PLIN5: variants seen among roughly 807,000 people sequenced by gnomAD.
The protein encoded by PLIN5 is perilipin 5.
Under a neutral mutation model 32.8 loss-of-function variants are expected in PLIN5, and 34 were observed. That is an observed-to-expected ratio of 1.04 (90% CI 0.79 to 1.38). The LOEUF (loss-of-function observed/expected upper bound fraction) is 1.38. Ranked by LOEUF, PLIN5 falls within the 40% of genes most tolerant of loss-of-function variation. The pLI, the probability that PLIN5 is intolerant of heterozygous loss-of-function variation, is 0.00. For missense variants in PLIN5, 712 were observed against 660.5 expected, an observed-to-expected ratio of 1.08 and a Z score of -0.85; for synonymous variants, 309 against 292.9, an observed-to-expected ratio of 1.05 and a Z score of -0.56.
intron 1 of PLIN5, 138 bp from the exon 2 acceptor site, chr19:4,534,233 TCAGA>T (rs1805102357): frequency 4.3e-6 from 3 of 695,854 alleles, no homozygotes; most frequent in Non-Finnish European, 7.5e-6. Flanking sequence ...TCTGTGGAGC[TCAGA>T]CAATGCATGT....
In PLIN5 at chr19:4,523,254, A is replaced by C. The variant is rs1976752900; in HGVS notation, c.*274T>G. On this transcript the variant is annotated 3_prime_UTR_variant, in exon 8 of 8. Transcript: ENST00000381848. The surrounding 1 kb of genome is among the most constrained non-coding windows in gnomAD (Gnocchi z 5.0). ...GGAAAGATTTGGATTCGCTTCATGG[A>C]GCCAGGGAGCAGGACATAGGTGAAG... The C allele has an allele frequency of 2.7e-6, 1 of 372,606 alleles. No homozygotes were observed. The highest frequency in any genetic ancestry group is 2.1e-5 in the African/African-American group (1 of 47,812). 23.1% of individuals were successfully genotyped at this position (372,606 alleles called of 1,614,324 possible).
At chr19:4,528,909 G>C (rs750042285) in intron 5 of PLIN5, 164 bp downstream of exon 5, 455 of 698,694 alleles carry the variant, frequency 6.5e-4, no homozygotes, top group Non-Finnish European at 9.4e-4. Context: ...AGGTTGAGGG[G>C]CCGTGGAAGT....
At position 4,523,733 on chromosome 19, in the gene PLIN5, ACCAGGTCCG is replaced by A. The variant is rs777399581; in HGVS notation, c.1178_1186del (p.Ala393_Leu395del). 10 of 1,601,658 alleles carry A rather than the reference ACCAGGTCCG, an allele frequency of 6.2e-6. No homozygotes were observed. The highest frequency in any genetic ancestry group is 8.5e-6 in the Non-Finnish European group (10 of 1,179,544). On this transcript the variant is annotated inframe_deletion, in exon 8 of 8. Transcript: ENST00000381848. This position sits in a 1 kb window ranked among gnomAD's most constrained non-coding sequence, Gnocchi z 5.0. ...GTCAGGGCCCCCGATGACCTCGTCC[ACCAGGTCCG>A]CCAGGTCGGGCAGGGGCTCGGGTCG...
chr19:4,527,340 G>A (rs1301504079), intron 5 of PLIN5, among the ~76,000 whole-genome samples: 5 of 151,578 alleles, frequency 3.3e-5, no homozygotes, highest in African/African-American at 1.2e-4. Flanking sequence ...CCAAAGTGCT[G>A]GGATTACAGG....
At chr19:4,533,930 G>T (rs184454673) in intron 2 of PLIN5, 85 bp downstream of exon 2, 6 of 1,441,102 alleles carry the variant, frequency 4.2e-6, no homozygotes, top group Non-Finnish European at 5.7e-6. Context: ...GGAGTGGGGC[G>T]GGATACCTGG....
rs1459229289 is a variant in PLIN5, at chr19:4,534,337, G to C, written c.-21-242C>G. On this transcript the variant is annotated intron_variant, in intron 1 of 7. Coordinates refer to ENST00000381848, the MANE Select transcript of PLIN5 (RefSeq NM_001013706.3). ...ACTCGAAGCATGGTCTCTGAGGTGA[G>C]AAAGACCTGGGTTCAAATGCTACCA... The C allele has an allele frequency of 2.5e-5, 13 of 517,812 alleles. No individual in the cohort carries two copies. The Admixed American group carries it at 4.5e-4, about 18-fold the overall frequency. The allele number at this position is 517,812 out of a possible 1,614,324, so 32.1% of individuals were successfully genotyped here.
chr19:4,531,893 C>CCT, intron 2 of PLIN5, 71 bp from the exon 3 acceptor site: 1 of 1,401,322 alleles, frequency 7.1e-7, no homozygotes, highest in South Asian at 1.5e-5. Context: ...ACCTACTTCC[C>CCT]CTCTCTGGGC....
At chr19:4,529,927 T>TCGGGGAGACGCAGAGG in intron 3 of PLIN5, 61 bp from the exon 4 acceptor site, 3 of 1,100,232 alleles carry the variant, frequency 2.7e-6, no homozygotes, top group Non-Finnish European at 4.0e-6. Flanking sequence ...AGGGACGCAG[T>TCGGGGAGACGCAGAGG]GAGAGTTGTA....
At chr19:4,529,540 A>G (rs1599763532) in intron 4 of PLIN5, 1 of 460,972 alleles carries the variant, frequency 2.2e-6, no homozygotes. Context: ...ATATATACTT[A>G]TACGTATATA....
chr19:4,524,978 G>A lies in PLIN5; in HGVS notation c.819C>T (p.Ser273=). 3 of 1,530,808 alleles carry A rather than the reference G, an allele frequency of 2.0e-6. No homozygotes were observed. The highest frequency in any genetic ancestry group is 2.0e-5 in the Admixed American group (1 of 49,202). 94.8% of individuals were successfully genotyped at this position (1,530,808 alleles called of 1,614,324 possible). A position where few individuals can be genotyped will look rare whatever the true frequency, so the allele number is the denominator to read the frequency against. The part of the protein sequence containing the change: ...WGEWGQRPPE[S]RRRSQAELET... ...GCGGTCTCACCTGGCTCCGGCGGCG[G>A]CTCTCCGGAGGGCGCTGGCCCCATT... Residue 273 remains serine, a synonymous_variant, in exon 7 of 8, where the codon AGC becomes AGT. Transcript: ENST00000381848.
chr19:4,523,614 C>T lies in PLIN5; in HGVS notation c.1306G>A (p.Gly436Ser), dbSNP rs373982855. The stretch of plus-strand genomic sequence containing the variant: ...TGCTCGCAGATGTCCCCGGCAACAC[C>T]CATCCTGTCCCCATCCCCATTCCCA... ...GSGNGDGDRM[G>S]VAGDICEQEP... The change falls in exon 8 of 8, where the codon GGT (glycine) becomes AGT (serine). Residue 436 changes from glycine to serine, a missense_variant. Gly to Ser is a moderately conservative substitution (Grantham distance 56). Transcript: ENST00000381848. The surrounding 1 kb of genome is among the most constrained non-coding windows in gnomAD (Gnocchi z 5.0). 16 of 1,609,794 alleles carry T rather than the reference C, an allele frequency of 9.9e-6. No individual in the cohort carries two copies. Among genetic ancestry groups the T allele is most frequent in the African/African-American group, 1.3e-5 (1 of 74,506 alleles).
rs1176582369 is a variant in PLIN5, at chr19:4,529,138, T to G, written c.455A>C (p.Asp152Ala). The change falls in exon 5 of 8, where the codon GAT (aspartate) becomes GCT (alanine). Residue 152 changes from aspartate (D) to alanine (A), a missense_variant. Asp to Ala is a moderately radical substitution (Grantham distance 126). Coordinates refer to ENST00000381848, the MANE Select transcript of PLIN5 (RefSeq NM_001013706.3). ...ELKRSVSHAV[D>A]VVLEKSEELV... ...CTCCTCTGATTTTTCCAGTACAACA[T>G]CCACAGCATGGCTCACGGAGCGCTT... 6.2e-7 allele frequency: 1 copy of G among 1,613,276 alleles called. No homozygotes were observed. The highest frequency in any genetic ancestry group is 1.3e-5 in the African/African-American group (1 of 74,868).
rs905418473 is a variant in PLIN5 at position 4,531,583 on chromosome 19, G to A, written c.256+44C>T. The stretch of plus-strand genomic sequence containing the variant: ...AGGATGGGACAGGGGGCGGTGGGGG[G>A]GTGGCAAGCCACAGCTCCCAGGGAC... On this transcript the variant is annotated intron_variant, in intron 3 of 7. Transcript: ENST00000381848. 9.6e-6 allele frequency: 14 copies of A among 1,457,524 alleles called. No individual in the cohort carries two copies. The Admixed American group carries it at 3.0e-4, about 31-fold the overall frequency. 90.3% of individuals were successfully genotyped at this position (1,457,524 alleles called of 1,614,324 possible).
chr19:4,531,564 G>A, intron 3 of PLIN5, 63 bp downstream of exon 3: 22 of 1,439,784 alleles, frequency 1.5e-5, no homozygotes, highest in Non-Finnish European at 1.9e-5. Context: ...AAGGAGGATG[G>A]GACAGGGGGC....
Position 4,523,888 on chromosome 19 carries a change from C to T in PLIN5, c.1032G>A (p.Leu344=). The T allele has an allele frequency of 6.6e-7, 1 of 1,513,976 alleles. No individual in the cohort carries two copies. The highest frequency in any genetic ancestry group is 8.8e-7 in the Non-Finnish European group (1 of 1,142,316). 93.8% of individuals were successfully genotyped at this position (1,513,976 alleles called of 1,614,324 possible). A position where few individuals can be genotyped will look rare whatever the true frequency, so the allele number is the denominator to read the frequency against. ...RCFRDVPAAA[L]AEGRGRVAHA... ...GGGCCACGCGACCCCGGCCCTCGGCCAGCGCGGCCGCTGGCACGTCCCTGA... is the reference window on the plus strand; with the variant it reads ...GGGCCACGCGACCCCGGCCCTCGGCTAGCGCGGCCGCTGGCACGTCCCTGA... Residue 344 remains leucine, a synonymous_variant, in exon 8 of 8, where the codon CTG becomes CTA. Transcript: ENST00000381848. The surrounding 1 kb of genome is among the most constrained non-coding windows in gnomAD (Gnocchi z 5.0).
chr19:4,523,252 G>GTCCT lies in PLIN5; in HGVS notation c.*275_*276insAGGA, dbSNP rs1976752877. The stretch of plus-strand genomic sequence containing the variant: ...TTGGAAAGATTTGGATTCGCTTCAT[G>GTCCT]GAGCCAGGGAGCAGGACATAGGTGA... On this transcript the variant is annotated 3_prime_UTR_variant, in exon 8 of 8. Coordinates refer to ENST00000381848, the MANE Select transcript of PLIN5 (RefSeq NM_001013706.3). The surrounding 1 kb of genome is among the most constrained non-coding windows in gnomAD (Gnocchi z 5.0). 2.7e-6 allele frequency: 1 copy of GTCCT among 366,190 alleles called. No individual in the cohort carries two copies. Among genetic ancestry groups the GTCCT allele is most frequent in the African/African-American group, 2.1e-5 (1 of 47,772 alleles). 22.7% of individuals were successfully genotyped at this position (366,190 alleles called of 1,614,324 possible). A position where few individuals can be genotyped will look rare whatever the true frequency, so the allele number is the denominator to read the frequency against.
chr19:4,526,857 CA>C (rs141886356), intron 5 of PLIN5, among the ~76,000 whole-genome samples: 3 of 138,744 alleles, frequency 2.2e-5, no homozygotes, highest in Non-Finnish European at 3.1e-5. Context: ...GACTCCATCT[CA>C]AAAAAAAATT....
chr19:4,522,554 A>G lies in PLIN5; in HGVS notation c.*974T>C, dbSNP rs1199018336. 6.6e-6 allele frequency: 1 copy of G among 152,264 alleles called. No homozygotes were observed. Among genetic ancestry groups the G allele is most frequent in the Non-Finnish European group, 1.5e-5 (1 of 68,086 alleles). The allele number at this position is 152,264 out of a possible 1,614,324, so 9.4% of individuals were successfully genotyped here. On this transcript the variant is annotated 3_prime_UTR_variant, in exon 8 of 8. Transcript: ENST00000381848. ...CCTTTCAACAACAAAAAGGACCTTT[A>G]TTCTGGAGGCAAATCCCAAACAGCA... is the stretch of plus-strand genomic sequence containing the variant.
intron 4 of PLIN5, 70 bp from the exon 5 acceptor site, chr19:4,529,323 T>C (rs1976848953): frequency 3.4e-6 from 5 of 1,485,148 alleles, no homozygotes; most frequent in Non-Finnish European, 4.5e-6. Flanking sequence ...CCTAGTTCCC[T>C]GGGGCTGGGA....
Sources: gnomAD v4.1 joint callset for allele counts (sites outside exome capture counted in the v4.1 genomes callset) on GRCh38, gnomAD v4.1.1 for gene constraint, Gnocchi (gnomAD v3.1) non-coding constraint, MANE v1.5 for transcripts, NCBI Gene and HGNC (gene_info 2026-07-23, HGNC 2026-07-21) for gene names.